LCOR: variants seen among roughly 807,000 people sequenced by gnomAD.
LCOR encodes the protein ligand-dependent corepressor.
A neutral mutation model predicts 64.4 loss-of-function variants in LCOR; 14 were observed. That is an observed-to-expected ratio of 0.22 (90% confidence interval 0.14 to 0.34). The LOEUF (loss-of-function observed/expected upper bound fraction) is 0.34, where lower values mean the gene tolerates loss of function less well. Among genes scored for constraint, LCOR ranks in the 10% least tolerant of loss-of-function variants. The pLI is 1.00. For missense variants in LCOR, 1,686 were observed against 1,765.3 expected (o/e 0.96, Z 0.80); for synonymous variants, 643 against 642.5 (o/e 1.00, Z -0.01).
intron 7 of LCOR, chr10:96,962,319 A>G (rs947599647): frequency 9.9e-5 from 15 of 152,168 alleles, no homozygotes; most frequent in Non-Finnish European, 2.9e-5. Flanking sequence ...GAAAATAGGT[A>G]GGGATTCTCT....
intron 7 of LCOR, chr10:96,960,914 A>G (rs1265207950): frequency 6.6e-6 from 1 of 152,172 alleles, no homozygotes; most frequent in Non-Finnish European, 1.5e-5. Context: ...ATGGAAAGAA[A>G]AATAGAGGAC....
At chr10:96,967,171 C>T (rs1455016165) in intron 7 of LCOR, among the ~76,000 whole-genome samples, 2 of 152,200 alleles carry the variant, frequency 1.3e-5, no homozygotes, top group Admixed American at 1.3e-4. Context: ...TCCCTGTCTC[C>T]TAGACTGGAA....
chr10:96,846,198 C>A (rs1372067964), intron 2 of LCOR, among the ~76,000 whole-genome samples: 1 of 152,002 alleles, frequency 6.6e-6, no homozygotes, highest in Admixed American at 6.5e-5. Context: ...CACAGCAAGA[C>A]TCTATCTCAA....
chr10:96,874,121 A>G (rs898260260), intron 2 of LCOR, among the ~76,000 whole-genome samples: 3 of 152,230 alleles, frequency 2.0e-5, no homozygotes, highest in African/African-American at 7.2e-5. Context: ...ATTGTTAAGC[A>G]TATATATCGC....
intron 7 of LCOR, among the ~76,000 whole-genome samples, chr10:96,975,813 G>A (rs904739728): frequency 6.6e-6 from 1 of 151,970 alleles, no homozygotes. Flanking sequence ...TCAGGAGTTC[G>A]AGACCAGCCT....
chr10:96,895,497 A>G (rs1280583716), intron 2 of LCOR, among the ~76,000 whole-genome samples: 2 of 152,224 alleles, frequency 1.3e-5, no homozygotes, highest in Non-Finnish European at 2.9e-5. Flanking sequence ...CTCTACAGCT[A>G]CCTGGTAATC....
intron 7 of LCOR, among the ~76,000 whole-genome samples, chr10:96,974,945 G>A (rs896864108): frequency 1.7e-4 from 26 of 152,220 alleles, no homozygotes; most frequent in Non-Finnish European, 2.6e-4. Flanking sequence ...GAGGCTGGTG[G>A]ATCACCTGAG....
In LCOR at chr10:96,993,031, C is replaced by T. The variant is rs1328563773; in HGVS notation, c.*7897C>T. The T allele has an allele frequency of 6.6e-6, 1 of 152,246 alleles. No individual in the cohort carries two copies. The highest frequency in any genetic ancestry group is 1.5e-5 in the Non-Finnish European group (1 of 68,088). The allele number at this position is 152,246 out of a possible 1,614,324, so 9.4% of individuals were successfully genotyped here. On this transcript the variant is annotated 3_prime_UTR_variant, in exon 8 of 8. Transcript: ENST00000421806. ...GATACCATCTGTTCTAAGATGTGGT[C>T]AGCTTTACTTCTCAGGAGTCCTGTC...
intron 7 of LCOR, among the ~76,000 whole-genome samples, chr10:96,965,203 G>A (rs1202869446): frequency 1.3e-5 from 2 of 151,216 alleles, no homozygotes; most frequent in African/African-American, 4.9e-5. Context: ...TAGAGAGGGA[G>A]TTTCACAATG....
intron 2 of LCOR, among the ~76,000 whole-genome samples, chr10:96,843,410 G>A (rs1845575068): frequency 6.6e-6 from 1 of 152,166 alleles, no homozygotes; most frequent in Non-Finnish European, 1.5e-5. Flanking sequence ...TGGGATTACA[G>A]GCATAAGTGT....
rs572284622 is a variant in LCOR, at chr10:96,847,106, G to A, written c.-330+13627G>A. On this transcript the variant is annotated intron_variant, in intron 2 of 7. Transcript: ENST00000421806. The stretch of plus-strand genomic sequence containing the variant: ...AAAAATACAAAAATTAGTCACATGC[G>A]GTATTGCGAGCCTGTTGGTCCCAGC... 2.4e-4 allele frequency among the ~76,000 whole-genome samples: 36 copies of A among 152,066 alleles called. No individual in the cohort carries two copies. In the South Asian group the frequency reaches 7.1e-3, roughly 30 times the overall value.
intron 2 of LCOR, among the ~76,000 whole-genome samples, chr10:96,883,323 G>GC (rs1009330024): frequency 7.2e-5 from 11 of 152,190 alleles, no homozygotes. Flanking sequence ...ATGAGCCACT[G>GC]CCCCAGCCTG....
chr10:96,962,247 AGG>A (rs1847893560), intron 7 of LCOR: 1 of 152,072 alleles, frequency 6.6e-6, no homozygotes, highest in African/African-American at 2.4e-5. Context: ...AGAGAAGGTG[AGG>A]GGGAAAATTC....
At chr10:96,911,831 T>C (rs961809274) in intron 4 of LCOR, among the ~76,000 whole-genome samples, 18 of 152,210 alleles carry the variant, frequency 1.2e-4, no homozygotes, top group African/African-American at 4.3e-4. Flanking sequence ...GACTAAGAAG[T>C]CAGGAAGCTT....
chr10:96,863,183 G>A (rs534605801), intron 2 of LCOR, among the ~76,000 whole-genome samples: 2 of 145,382 alleles, frequency 1.4e-5, no homozygotes, highest in African/African-American at 2.6e-5. Flanking sequence ...ATGCCCAGCC[G>A]AAGTAATATG....
In LCOR at chr10:96,989,691, ATATATTTTTTTTTT is replaced by A. The variant is rs1420517246; in HGVS notation, c.*4559_*4572del. On this transcript the variant is annotated 3_prime_UTR_variant, in exon 8 of 8. Transcript: ENST00000421806. ...AGGATAAGGATATATATATATATAT[ATATATTTTTTTTTT>A]TTTTTTTTTTTTTTAATAGAGACGA... 1.3e-5 allele frequency: 1 copy of A among 79,614 alleles called. No individual in the cohort carries two copies. Among genetic ancestry groups the A allele is most frequent in the African/African-American group, 7.7e-5 (1 of 12,930 alleles). The allele number at this position is 79,614 out of a possible 1,614,324, so 4.9% of individuals were successfully genotyped here.
intron 2 of LCOR, among the ~76,000 whole-genome samples, chr10:96,850,718 G>A (rs1845709521): frequency 6.6e-6 from 1 of 152,104 alleles, no homozygotes; most frequent in Admixed American, 6.6e-5. Context: ...AAAGTGCTGG[G>A]ATTACAGGCA....
At chr10:96,907,186 CTT>C (rs36105185) in intron 2 of LCOR, 77 bp from the exon 3 acceptor site, 109 of 386,272 alleles carry the variant, frequency 2.8e-4, no homozygotes, top group Non-Finnish European at 3.5e-4. Flanking sequence ...AAAACACCAT[CTT>C]TTTTTTTTTA....
chr10:96,834,008 G>A (rs1312844662), intron 2 of LCOR, among the ~76,000 whole-genome samples: 2 of 152,198 alleles, frequency 1.3e-5, no homozygotes, highest in Non-Finnish European at 2.9e-5. Flanking sequence ...TGACAGGAGG[G>A]TCTGCCCTTT....
Sources: gnomAD v4.1 joint callset for allele counts (sites outside exome capture counted in the v4.1 genomes callset) on GRCh38, gnomAD v4.1.1 for gene constraint, MANE v1.5 for transcripts, NCBI Gene and HGNC (gene_info 2026-07-23, HGNC 2026-07-21) for gene names.